Variants in ASCC3 observed in about 807,000 individuals in gnomAD.
ASCC3 encodes the protein activating signal cointegrator 1 complex subunit 3, also known as ASC-1 complex subunit P200.
A neutral mutation model predicts 256.3 loss-of-function variants in ASCC3; 158 were observed. That is an observed-to-expected ratio of 0.62 (90% confidence interval 0.54 to 0.70). The LOEUF (loss-of-function observed/expected upper bound fraction) is 0.70, where lower values mean the gene tolerates loss of function less well. Ranked by LOEUF, ASCC3 falls within the 30% of genes least tolerant of loss-of-function variation. The pLI is 0.00. For synonymous variants in ASCC3, 948 were observed against 883.4 expected, an observed-to-expected ratio of 1.07 and a Z score of -1.30; for missense variants, 2,259 against 2,626.0, an observed-to-expected ratio of 0.86 and a Z score of 3.05.
chr6:100,824,531 C>G (rs1771203495), intron 4 of ASCC3, among the ~76,000 whole-genome samples: 1 of 152,094 alleles, frequency 6.6e-6, no homozygotes, highest in Non-Finnish European at 1.5e-5. Flanking sequence ...TGGCTAAGAT[C>G]AAGAACCCTT....
At chr6:100,590,731 C>T (rs1406845843) in intron 34 of ASCC3, among the ~76,000 whole-genome samples, 1 of 151,946 alleles carries the variant, frequency 6.6e-6, no homozygotes, top group African/African-American at 2.4e-5. Context: ...GAAAAGGGTG[C>T]TAACAATTTC....
intron 10 of ASCC3, among the ~76,000 whole-genome samples, chr6:100,745,197 C>T (rs117675152): frequency 0.048 from 7,273 of 152,098 alleles, 200 homozygotes; most frequent in African/African-American, 0.059. Context: ...CATGTTGGTG[C>T]GCGCCTATAA....
At position 100,686,068 on chromosome 6, in the gene ASCC3, GC is replaced by G. The variant is rs1259124511; in HGVS notation, c.2152-6317del. Reference sequence around the variant, plus strand: ...GTCTTAAGTAAATATAACACATTGAGCCCAATCAAACACACTAGCCCATCAC... The same window carrying G: ...GTCTTAAGTAAATATAACACATTGAGCCAATCAAACACACTAGCCCATCAC... On this transcript the variant is annotated intron_variant, in intron 13 of 41. Transcript: ENST00000369162. 2.6e-5 allele frequency among the ~76,000 whole-genome samples: 4 copies of G among 152,240 alleles called. No individual in the cohort carries two copies. The East Asian group carries it at 5.8e-4, about 22-fold the overall frequency.
chr6:100,832,735 A>G (rs1384450376), intron 4 of ASCC3, among the ~76,000 whole-genome samples: 2 of 152,138 alleles, frequency 1.3e-5, no homozygotes, highest in Non-Finnish European at 2.9e-5. Context: ...CCAGAAAGAG[A>G]ATAAAAGGGA....
chr6:100,544,671 TA>T (rs1775621669), intron 36 of ASCC3, among the ~76,000 whole-genome samples: 2 of 152,156 alleles, frequency 1.3e-5, no homozygotes, highest in Admixed American at 1.3e-4. Context: ...CAATTTGTAG[TA>T]AAAAATCTTC....
chr6:100,652,911 C>G, intron 17 of ASCC3, 22 bp from the exon 18 acceptor site: 1 of 1,606,888 alleles, frequency 6.2e-7, no homozygotes, highest in South Asian at 1.1e-5. Flanking sequence ...AATATATAAA[C>G]AGTTGAATAG....
chr6:100,863,280 A>T (rs887981555), intron 3 of ASCC3, among the ~76,000 whole-genome samples: 4 of 152,176 alleles, frequency 2.6e-5, no homozygotes, highest in Non-Finnish European at 5.9e-5. Flanking sequence ...ACAATATTGT[A>T]ATTTCAAATT....
intron 10 of ASCC3, among the ~76,000 whole-genome samples, chr6:100,734,396 C>T (rs1352604859): frequency 1.3e-5 from 2 of 152,066 alleles, no homozygotes; most frequent in Non-Finnish European, 2.9e-5. Flanking sequence ...TTTTTATTAA[C>T]TACAGTAATG....
intron 36 of ASCC3, among the ~76,000 whole-genome samples, chr6:100,570,645 A>G (rs1431568448): frequency 6.6e-6 from 1 of 152,088 alleles, no homozygotes; most frequent in African/African-American, 2.4e-5. Flanking sequence ...ACCTCTGCTC[A>G]ATACTGACTG....
chr6:100,669,468 T>G (rs1204998476), intron 14 of ASCC3, among the ~76,000 whole-genome samples: 2 of 151,426 alleles, frequency 1.3e-5, no homozygotes, highest in Non-Finnish European at 3.0e-5. Flanking sequence ...AAATAATAGA[T>G]TTAATTTTGA....
chr6:100,776,289 T>C (rs908053992), intron 8 of ASCC3, among the ~76,000 whole-genome samples: 1 of 152,138 alleles, frequency 6.6e-6, no homozygotes, highest in Non-Finnish European at 1.5e-5. Context: ...CTCATGATCA[T>C]TTATCTTAAG....
chr6:100,694,897 GGGGCACT>G (rs1405159996), intron 13 of ASCC3, among the ~76,000 whole-genome samples: 1 of 152,096 alleles, frequency 6.6e-6, no homozygotes, highest in Non-Finnish European at 1.5e-5. Flanking sequence ...AGTTTGATGA[GGGGCACT>G]ATATATTTAG....
At chr6:100,837,240 T>C (rs193242649) in intron 4 of ASCC3, among the ~76,000 whole-genome samples, 77 of 152,160 alleles carry the variant, frequency 5.1e-4, no homozygotes, top group African/African-American at 1.7e-3. Context: ...AAAAAACAAC[T>C]GTTGGTGCAG....
At chr6:100,766,516 A>G in intron 10 of ASCC3, 49 bp downstream of exon 10, 1 of 1,550,524 alleles carries the variant, frequency 6.4e-7, no homozygotes, top group African/African-American at 1.4e-5. Flanking sequence ...TTTCACAATT[A>G]CCTAAAAAAA....
intron 10 of ASCC3, among the ~76,000 whole-genome samples, chr6:100,750,970 C>A (rs1037534136): frequency 6.6e-6 from 1 of 152,042 alleles, no homozygotes; most frequent in African/African-American, 2.4e-5. Flanking sequence ...TGAATCACTA[C>A]AACATACTGT....
chr6:100,737,015 C>T (rs1441514374), intron 10 of ASCC3, among the ~76,000 whole-genome samples: 6 of 151,910 alleles, frequency 3.9e-5, no homozygotes, highest in African/African-American at 1.5e-4. Context: ...TGGGTAGTGG[C>T]GTGCGCCTGT....
chr6:100,878,286 C>G (rs1769088593), intron 1 of ASCC3, among the ~76,000 whole-genome samples: 1 of 152,180 alleles, frequency 6.6e-6, no homozygotes, highest in Non-Finnish European at 1.5e-5. Flanking sequence ...CTATGGGGCT[C>G]TTATTCTCTA....
chr6:100,605,442 G>C, intron 33 of ASCC3, 126 bp downstream of exon 33: 1 of 706,646 alleles, frequency 1.4e-6, no homozygotes, highest in Non-Finnish European at 2.4e-6. Flanking sequence ...TAATTATATT[G>C]TTTCACATTA....
At chr6:100,846,333 T>C (rs993258901) in intron 4 of ASCC3, among the ~76,000 whole-genome samples, 24 of 152,298 alleles carry the variant, frequency 1.6e-4, no homozygotes, top group African/African-American at 9.6e-5. Flanking sequence ...GAATAATCTA[T>C]ACTGCAGAAC....
Sources: gnomAD v4.1 joint callset for allele counts (sites outside exome capture counted in the v4.1 genomes callset) on GRCh38, gnomAD v4.1.1 for gene constraint, MANE v1.5 for transcripts, NCBI Gene and HGNC (gene_info 2026-07-23, HGNC 2026-07-21) for gene names.